Variants in ITGB2 observed in about 807,000 individuals in gnomAD.
ITGB2 encodes the protein integrin subunit beta 2, also known as integrin beta-2.
ITGB2 carries 56 observed loss-of-function variants against 86.8 expected under a neutral mutation model. The ratio of observed to expected loss-of-function variants is 0.65; its 90% CI spans 0.52 to 0.81. The LOEUF is 0.81. Ranked by LOEUF, ITGB2 falls within the 30% of genes least tolerant of loss-of-function variation. The pLI is 0.00. For synonymous variants in ITGB2, 457 were observed against 450.4 expected (o/e 1.01, Z -0.19); for missense variants, 948 against 1,061.2 (o/e 0.89, Z 1.48).
chr21:44,907,174 G>A (rs2084057238), intron 3 of ITGB2, 79 bp from the exon 4 acceptor site: 1 of 1,090,966 alleles, frequency 9.2e-7, no homozygotes, highest in Admixed American at 2.0e-5. Context: ...GGAGGACTGA[G>A]GACCCACCCT....
At chr21:44,926,214 C>T (rs9976532) in intron 1 of ITGB2, among the ~76,000 whole-genome samples, 1 of 132,142 alleles carries the variant, frequency 7.6e-6, no homozygotes, top group East Asian at 2.0e-4. Flanking sequence ...AGAGCCGTGA[C>T]CTTGCTATGG....
At position 44,886,709 on chromosome 21, in the gene ITGB2, G is replaced by A. The variant is rs756930592; in HGVS notation, c.2247+27C>T. The A allele has an allele frequency of 1.2e-5, 19 of 1,613,766 alleles. 1 individual carries two copies. The highest frequency in any genetic ancestry group is 1.6e-4 in the Middle Eastern group (1 of 6,082). ...GTGTGGGACGCACGTGCCCCTCTGCGTGGGACCCCCAAGGACGGCCACTTA... is the reference window on the plus strand; with the variant it reads ...GTGTGGGACGCACGTGCCCCTCTGCATGGGACCCCCAAGGACGGCCACTTA... On this transcript the variant is annotated intron_variant, in intron 15 of 15. Coordinates refer to ENST00000652462, the MANE Select transcript of ITGB2 (RefSeq NM_000211.5).
In ITGB2 at chr21:44,903,492, G is replaced by A. The variant is rs769008028; in HGVS notation, c.372C>T (p.Gly124=). The change falls in exon 5 of 16, where the codon GGC becomes GGT. Residue 124 remains glycine, a synonymous_variant. Coordinates refer to ENST00000652462, the MANE Select transcript of ITGB2 (RefSeq NM_000211.5). ...AFNVTFRRAK[G]YPIDLYYLMD... Reference sequence around the variant, plus strand: ...TCAGATAGTACAGGTCGATGGGGTAGCCCTTGGCCCGCCGGAAGGTCACGT... The same window carrying A: ...TCAGATAGTACAGGTCGATGGGGTAACCCTTGGCCCGCCGGAAGGTCACGT... 2 of 1,614,152 alleles carry A rather than the reference G, an allele frequency of 1.2e-6. No individual in the cohort carries two copies. Among genetic ancestry groups the A allele is most frequent in the East Asian group, 2.2e-5 (1 of 44,878 alleles).
rs754136611 is a variant in ITGB2, at chr21:44,890,201, C to T, written c.1434G>A (p.Gly478=). ...GICRCDTGYI[G]KNCECQTQGR... Reference sequence around the variant, plus strand: ...CCTGTGTCTGGCACTCACAGTTTTTCCCAATGTAGCCAGTGTCACACCTGG... The same window carrying T: ...CCTGTGTCTGGCACTCACAGTTTTTTCCAATGTAGCCAGTGTCACACCTGG... Residue 478 remains glycine (G), a synonymous_variant, in exon 12 of 16, where the codon GGG becomes GGA. Transcript: ENST00000652462. The T allele has an allele frequency of 6.8e-6, 11 of 1,613,108 alleles. No homozygotes were observed. The highest frequency in any genetic ancestry group is 9.3e-6 in the Non-Finnish European group (11 of 1,180,012).
chr21:44,903,367 A>G lies in ITGB2; in HGVS notation c.497T>C (p.Ile166Thr), dbSNP rs747249434. 3.7e-6 allele frequency: 6 copies of G among 1,613,910 alleles called. No individual in the cohort carries two copies. Among genetic ancestry groups the G allele is most frequent in the Middle Eastern group, 1.6e-4 (1 of 6,084 alleles). Residue 166 changes from isoleucine (I) to threonine (T), a missense_variant and splice_region_variant, in exon 5 of 16, where the codon ATT becomes ACT. Transcript: ENST00000652462. ...GTCCTGCAGTGCCTGGGCCTCACCA[A>G]TGCGGCCGGACTCGGTGATCTCGTT... ...ALNEITESGR[I>T]GFGSFVDKTV...
At position 44,891,878 on chromosome 21, in the gene ITGB2, C is replaced by T. The variant is rs149279736; in HGVS notation, c.1343G>A (p.Arg448Gln). 4.3e-5 allele frequency: 70 copies of T among 1,612,612 alleles called. No individual in the cohort carries two copies. Among genetic ancestry groups the T allele is most frequent in the East Asian group, 3.6e-4 (16 of 44,884 alleles). Reference sequence around the variant, plus strand: ...GCGGTCTCTGCTCTGGTCCCGGCACCGGCACTCACACTGGGGAAGAACCTG... The same window carrying T: ...GCGGTCTCTGCTCTGGTCCCGGCACTGGCACTCACACTGGGGAAGAACCTG... ...TVQVLPQCEC[R>Q]CRDQSRDRSL... Residue 448 changes from arginine to glutamine, a missense_variant, in exon 11 of 16, where the codon CGG becomes CAG. Arg to Gln is a conservative substitution (Grantham distance 43). Transcript: ENST00000652462.
Position 44,891,889 on chromosome 21 carries a change from C to T in ITGB2, c.1332G>A (p.Gln444=), listed in dbSNP as rs767850773. Residue 444 remains glutamine, a synonymous_variant, in exon 11 of 16, where the codon CAG becomes CAA. Coordinates refer to ENST00000652462, the MANE Select transcript of ITGB2 (RefSeq NM_000211.5). ...TCTGGTCCCGGCACCGGCACTCACA[C>T]TGGGGAAGAACCTGCACGGTCACTA... is the stretch of plus-strand genomic sequence containing the variant. ...TDIVTVQVLP[Q]CECRCRDQSR... The T allele has an allele frequency of 6.8e-6, 11 of 1,612,924 alleles. No homozygotes were observed. The highest frequency in any genetic ancestry group is 9.3e-6 in the Non-Finnish European group (11 of 1,179,998).
chr21:44,916,701 C>T (rs2084215838), intron 1 of ITGB2, among the ~76,000 whole-genome samples: 1 of 151,946 alleles, frequency 6.6e-6, no homozygotes, highest in Admixed American at 6.6e-5. Context: ...AACCCCATCT[C>T]TACTAAAAAT....
intron 8 of ITGB2, among the ~76,000 whole-genome samples, chr21:44,896,498 G>T (rs2083873144): frequency 6.6e-6 from 1 of 152,180 alleles, no homozygotes; most frequent in Non-Finnish European, 1.5e-5. Flanking sequence ...CAGATGGTCG[G>T]GTCACCTCCC....
At chr21:44,907,975 G>C (rs912819554) in intron 3 of ITGB2, 1 of 700,752 alleles carries the variant, frequency 1.4e-6, no homozygotes, top group African/African-American at 1.8e-5. Flanking sequence ...AATCCACACA[G>C]AAACAAACAA....
At chr21:44,923,797 T>A (rs1050186255), upstream of ITGB2, among the ~76,000 whole-genome samples, 1 of 152,174 alleles carries the variant, frequency 6.6e-6, no homozygotes, top group African/African-American at 2.4e-5. Flanking sequence ...GTATATTTTA[T>A]CACAATTAAA....
intron 1 of ITGB2, among the ~76,000 whole-genome samples, chr21:44,916,878 A>G (rs1044107009): frequency 2.0e-5 from 3 of 151,998 alleles, no homozygotes; most frequent in African/African-American, 7.3e-5. Flanking sequence ...AAAGAAAAAA[A>G]AAAAAAAAGC....
chr21:44,891,750 C>T, intron 11 of ITGB2, 59 bp downstream of exon 11: 2 of 1,577,710 alleles, frequency 1.3e-6, no homozygotes, highest in African/African-American at 1.3e-5. Flanking sequence ...CACCTGCCGA[C>T]ACCTGCCCTG....
intron 4 of ITGB2, among the ~76,000 whole-genome samples, chr21:44,903,781 C>T (rs954434389): frequency 6.6e-6 from 1 of 152,162 alleles, no homozygotes. Context: ...GACACTGAAA[C>T]CCGCCTGGGG....
chr21:44,913,425 A>AG (rs1224025236), intron 1 of ITGB2, among the ~76,000 whole-genome samples: 1 of 152,070 alleles, frequency 6.6e-6, no homozygotes, highest in Non-Finnish European at 1.5e-5. Context: ...CCACAGGGAG[A>AG]GGGGGTGCAC....
rs1601317929 is a variant in ITGB2, at chr21:44,907,903, C to T, written c.148-808G>A. ...GAACCACAGAATTTTTTAAAGAAGT[C>T]CTCCAGAAATAAAAGTACATCAGCA... On this transcript the variant is annotated intron_variant, in intron 3 of 15. Coordinates refer to ENST00000652462, the MANE Select transcript of ITGB2 (RefSeq NM_000211.5). The T allele has an allele frequency of 6.8e-6, 4 of 590,440 alleles. No homozygotes were observed. In the East Asian group the frequency reaches 8.5e-5, roughly 13 times the overall value. The allele number at this position is 590,440 out of a possible 1,614,324, so 36.6% of individuals were successfully genotyped here.
intron 6 of ITGB2, among the ~76,000 whole-genome samples, chr21:44,901,202 G>T (rs2083951414): frequency 6.6e-6 from 1 of 152,178 alleles, no homozygotes; most frequent in African/African-American, 2.4e-5. Flanking sequence ...TTCCACCCTT[G>T]GCCGCTCGCA....
chr21:44,892,636 C>A (rs2083804511), intron 10 of ITGB2, among the ~76,000 whole-genome samples: 1 of 136,068 alleles, frequency 7.3e-6, no homozygotes, highest in African/African-American at 2.7e-5. Flanking sequence ...AATCCACAGG[C>A]AACATTTACC....
intron 14 of ITGB2, among the ~76,000 whole-genome samples, chr21:44,887,308 T>A (rs1409615744): frequency 2.0e-5 from 3 of 152,126 alleles, no homozygotes; most frequent in African/African-American, 2.4e-5. Context: ...TGATTTGTGG[T>A]CGTCAAGGAC....
Sources: allele counts gnomAD v4.1 joint callset (sites outside exome capture counted in the v4.1 genomes callset), GRCh38; gene constraint gnomAD v4.1.1; transcripts MANE v1.5; gene names NCBI Gene and HGNC (gene_info 2026-07-23, HGNC 2026-07-21).